PXDNL: variants seen among roughly 807,000 people sequenced by gnomAD.
PXDNL encodes the protein probable oxidoreductase PXDNL.
Under a neutral mutation model 150.8 loss-of-function variants are expected in PXDNL, and 145 were observed. The observed-to-expected ratio is 0.96, with a 90% CI of 0.84 to 1.10. The LOEUF is 1.10. PXDNL is among the 50% of genes least tolerant of loss of function. The pLI, the probability that PXDNL is intolerant of heterozygous loss-of-function variation, is 0.00. For synonymous variants in PXDNL, 757 were observed against 725.7 expected (o/e 1.04, Z -0.69); for missense variants, 2,087 against 1,873.9 (o/e 1.11, Z -2.10).
chr8:51,357,983 A>C (rs1246368065), intron 19 of PXDNL, among the ~76,000 whole-genome samples: 3 of 152,194 alleles, frequency 2.0e-5, no homozygotes, highest in Non-Finnish European at 4.4e-5. Flanking sequence ...GAAACTAGGG[A>C]GTCTGGGATG....
At chr8:51,357,723 G>T (rs1806558835) in intron 19 of PXDNL, among the ~76,000 whole-genome samples, 1 of 152,166 alleles carries the variant, frequency 6.6e-6, no homozygotes, top group Non-Finnish European at 1.5e-5. Context: ...AAGGATCCCT[G>T]ACTTTTTTTG....
intron 19 of PXDNL, among the ~76,000 whole-genome samples, chr8:51,360,923 T>G (rs376324498): frequency 6.6e-6 from 1 of 152,128 alleles, no homozygotes; most frequent in South Asian, 2.1e-4. Flanking sequence ...GGCTCAGGAG[T>G]CTTCTTAATT....
At chr8:51,386,130 T>C in intron 17 of PXDNL, among the ~76,000 whole-genome samples, 1 of 152,056 alleles carries the variant, frequency 6.6e-6, no homozygotes, top group East Asian at 1.9e-4. Flanking sequence ...TCTTGCTCTG[T>C]CACCCAGGCT....
intron 1 of PXDNL, among the ~76,000 whole-genome samples, chr8:51,658,012 G>A (rs1376884445): frequency 6.6e-6 from 1 of 152,094 alleles, no homozygotes; most frequent in African/African-American, 2.4e-5. Context: ...TCTCACCAGT[G>A]AGGCATGCTC....
chr8:51,647,800 A>G (rs1814951182), intron 2 of PXDNL, among the ~76,000 whole-genome samples: 1 of 152,168 alleles, frequency 6.6e-6, no homozygotes, highest in Non-Finnish European at 1.5e-5. Context: ...TAAATGAAAA[A>G]CACTTACAAT....
In PXDNL at chr8:51,668,176, C is replaced by CTT. The variant is rs71550279; in HGVS notation, c.165-13418_165-13417dup. Among the ~76,000 whole-genome samples, 172 of 77,386 alleles carry CTT rather than the reference C, an allele frequency of 2.2e-3. 20 individuals carry two copies. The highest frequency in any genetic ancestry group is 8.7e-3 in the African/African-American group (162 of 18,672). 50.8% of individuals were successfully genotyped at this position (77,386 alleles called of 152,430 possible). A position where few individuals can be genotyped will look rare whatever the true frequency, so the allele number is the denominator to read the frequency against. On this transcript the variant is annotated intron_variant, in intron 1 of 22. Transcript: ENST00000356297. ...ATACAAGGCTTCCTTCTCGCTCTCT[C>CTT]TTTTTTTTTTTTTTTTTGAGACAGA...
chr8:51,403,460 C>T (rs1004926010), intron 17 of PXDNL, among the ~76,000 whole-genome samples: 4 of 152,164 alleles, frequency 2.6e-5, no homozygotes, highest in African/African-American at 7.2e-5. Context: ...TGTACAATTC[C>T]ACTTAGAAAA....
intron 4 of PXDNL, among the ~76,000 whole-genome samples, chr8:51,532,870 C>A (rs964630923): frequency 3.4e-4 from 52 of 152,174 alleles, no homozygotes; most frequent in African/African-American, 1.2e-3. Flanking sequence ...TACTAACTCC[C>A]AAATGCCTAT....
At chr8:51,685,865 T>C (rs527598435) in intron 1 of PXDNL, among the ~76,000 whole-genome samples, 33 of 152,302 alleles carry the variant, frequency 2.2e-4, no homozygotes, top group African/African-American at 7.5e-4. Flanking sequence ...ATCTGTTACG[T>C]TTTCCATTAC....
intron 2 of PXDNL, among the ~76,000 whole-genome samples, chr8:51,635,579 T>C (rs1814588649): frequency 6.6e-6 from 1 of 151,984 alleles, no homozygotes; most frequent in Non-Finnish European, 1.5e-5. Flanking sequence ...ATTAAAATTG[T>C]ACACCAACAA....
chr8:51,551,673 C>T (rs2130523443), intron 4 of PXDNL, among the ~76,000 whole-genome samples: 1 of 152,236 alleles, frequency 6.6e-6, no homozygotes, highest in East Asian at 1.9e-4. Context: ...CAAAAATCAA[C>T]TCAAGAAGGG....
At chr8:51,444,047 A>C (rs930818914) in intron 12 of PXDNL, among the ~76,000 whole-genome samples, 2 of 152,206 alleles carry the variant, frequency 1.3e-5, no homozygotes, top group Admixed American at 1.3e-4. Context: ...TTCCTTTATC[A>C]CACAAACTAC....
intron 19 of PXDNL, among the ~76,000 whole-genome samples, chr8:51,361,251 G>T (rs1231259841): frequency 1.3e-5 from 2 of 152,156 alleles, no homozygotes; most frequent in Non-Finnish European, 2.9e-5. Flanking sequence ...ATATTAACTG[G>T]CTTGGATCCA....
At position 51,579,220 on chromosome 8, in the gene PXDNL, T is replaced by C. The variant is rs540239657; in HGVS notation, c.308+13407A>G. 9.2e-5 allele frequency among the ~76,000 whole-genome samples: 14 copies of C among 152,112 alleles called. No individual in the cohort carries two copies. The South Asian group carries it at 2.9e-3, about 32-fold the overall frequency. ...GAAAAGTACATATCTGATAAAGGAC[T>C]AATCTCCAGAATATATAAACTCTCC... On this transcript the variant is annotated intron_variant, in intron 3 of 22. Coordinates refer to ENST00000356297, the MANE Select transcript of PXDNL (RefSeq NM_144651.5).
chr8:51,514,177 G>C (rs751201167), intron 4 of PXDNL, among the ~76,000 whole-genome samples: 1 of 152,168 alleles, frequency 6.6e-6, no homozygotes, highest in Non-Finnish European at 1.5e-5. Context: ...TTTTATCTCA[G>C]CTGGAGCCAT....
At chr8:51,726,055 G>T (rs1045189249) in intron 1 of PXDNL, among the ~76,000 whole-genome samples, 5 of 152,206 alleles carry the variant, frequency 3.3e-5, no homozygotes, top group African/African-American at 1.2e-4. Context: ...ATGTCATCTT[G>T]AATCTCTTGA....
intron 1 of PXDNL, among the ~76,000 whole-genome samples, chr8:51,663,320 G>A (rs967527022): frequency 7.9e-5 from 12 of 152,090 alleles, no homozygotes; most frequent in South Asian, 2.1e-4. Flanking sequence ...AGGCTGCACC[G>A]GAAAACCCAT....
chr8:51,482,567 G>C (rs959401003), intron 6 of PXDNL, among the ~76,000 whole-genome samples: 5 of 152,174 alleles, frequency 3.3e-5, no homozygotes, highest in Non-Finnish European at 7.3e-5. Flanking sequence ...TGGTTTGGCT[G>C]TGTCCCCACC....
intron 3 of PXDNL, among the ~76,000 whole-genome samples, chr8:51,577,194 A>G (rs1813074505): frequency 6.6e-6 from 1 of 151,896 alleles, no homozygotes; most frequent in African/African-American, 2.4e-5. Context: ...ATAGTAAGAA[A>G]AAAGGAAACA....
Sources: allele counts gnomAD v4.1 joint callset (sites outside exome capture counted in the v4.1 genomes callset), GRCh38; gene constraint gnomAD v4.1.1; transcripts MANE v1.5; gene names NCBI Gene and HGNC (gene_info 2026-07-23, HGNC 2026-07-21).